Variants in ZFP62 observed in about 807,000 individuals in gnomAD.
ZFP62 encodes ZFP62 zinc finger protein.
Under a neutral mutation model 56.4 loss-of-function variants are expected in ZFP62, and 44 were observed. That is an observed-to-expected ratio of 0.78 (90% CI 0.61 to 1.00). The LOEUF is 1.00. Ranked by LOEUF, ZFP62 falls within the 50% of genes least tolerant of loss-of-function variation. The pLI is 0.00. For synonymous variants in ZFP62, 421 were observed against 388.9 expected, an observed-to-expected ratio of 1.08 and a Z score of -0.97; for missense variants, 1,030 against 1,085.7, an observed-to-expected ratio of 0.95 and a Z score of 0.72.
intron 1 of ZFP62, 26 bp downstream of exon 1, chr5:180,861,193 G>A (rs1197821051): frequency 5.0e-6 from 2 of 398,372 alleles, no homozygotes; most frequent in Non-Finnish European, 4.4e-6. Flanking sequence ...GGGGGCGGGA[G>A]CGCGGGCGGC....
At position 180,848,009 on chromosome 5, in the gene ZFP62, CATA is replaced by C. The variant is rs1773475669; in HGVS notation, c.*780_*782del. On this transcript the variant is annotated 3_prime_UTR_variant, in exon 2 of 2. Coordinates refer to ENST00000502412, the MANE Select transcript of ZFP62 (RefSeq NM_001172638.2). ...TCCACGGTAGAACCTTTTATTGTAGCATAATGTGTGAATACCACTTCCAGGTTA... is the reference window on the plus strand; with the variant it reads ...TCCACGGTAGAACCTTTTATTGTAGCATGTGTGAATACCACTTCCAGGTTA... 2.0e-6 allele frequency: 2 copies of C among 985,444 alleles called. No homozygotes were observed. The highest frequency in any genetic ancestry group is 2.4e-6 in the Non-Finnish European group (2 of 829,932). The allele number at this position is 985,444 out of a possible 1,614,324, so 61.0% of individuals were successfully genotyped here.
the ZFP62 span, among the ~76,000 whole-genome samples, chr5:180,841,248 T>C: frequency 1.7e-5 from 1 of 57,260 alleles, no homozygotes. Flanking sequence ...TATCCATATA[T>C]ATATACACAC....
downstream of ZFP62, among the ~76,000 whole-genome samples, chr5:180,846,173 G>T (rs1297897834): frequency 6.6e-6 from 1 of 152,164 alleles, no homozygotes; most frequent in Non-Finnish European, 1.5e-5. Flanking sequence ...AGCCTGAATG[G>T]CTTGTATCTG....
At chr5:180,842,423 T>C in the ZFP62 span, among the ~76,000 whole-genome samples, 4 of 151,668 alleles carry the variant, frequency 2.6e-5, no homozygotes, top group Admixed American at 2.6e-4. Flanking sequence ...CACACCAAAA[T>C]AAAACACAGT....
intron 1 of ZFP62, among the ~76,000 whole-genome samples, chr5:180,859,669 C>T (rs1774202847): frequency 6.6e-6 from 1 of 152,084 alleles, no homozygotes; most frequent in African/African-American, 2.4e-5. Flanking sequence ...GAATCAAACC[C>T]GGCAGGGACT....
chr5:180,849,360 G>GAGAAAAAAGCTTTTCCACAA lies in ZFP62; in HGVS notation c.2134_2135insTTGTGGAAAAGCTTTTTTCT (p.Ser712PhefsTer13). On this transcript the variant is annotated frameshift_variant, in exon 2 of 2. Transcript: ENST00000502412. LOFTEE classifies it high-confidence loss of function. ...TTTATGGCTTATAAGAGTTCTGCTT[G>GAGAAAAAAGCTTTTCCACAA]AGAAAAAAGCTTTTCCACATTCATC... is the stretch of plus-strand genomic sequence containing the variant. 6.4e-7 allele frequency: 1 copy of GAGAAAAAAGCTTTTCCACAA among 1,551,728 alleles called. No individual in the cohort carries two copies. The highest frequency in any genetic ancestry group is 1.4e-5 in the African/African-American group (1 of 73,068).
At chr5:180,857,495 G>A (rs1391258651) in intron 1 of ZFP62, among the ~76,000 whole-genome samples, 1 of 151,270 alleles carries the variant, frequency 6.6e-6, no homozygotes, top group Non-Finnish European at 1.5e-5. Context: ...TAGAACTTTT[G>A]TTTTTTTTTT....
At chr5:180,852,123 C>T (rs1773743004) in intron 1 of ZFP62, 2 of 655,546 alleles carry the variant, frequency 3.1e-6, no homozygotes, top group Non-Finnish European at 1.9e-6. Flanking sequence ...GGTACATAGA[C>T]AGGCAAATGG....
At chr5:180,845,860 G>C (rs1226611581), downstream of ZFP62, 2 of 985,294 alleles carry the variant, frequency 2.0e-6, no homozygotes, top group Non-Finnish European at 2.4e-6. Flanking sequence ...ACCGTTTCAC[G>C]CCCAGTGTCT....
At position 180,849,597 on chromosome 5, in the gene ZFP62, G is replaced by T. The variant is rs376498871; in HGVS notation, c.1898C>A (p.Ser633Tyr). 6.4e-7 allele frequency: 1 copy of T among 1,551,916 alleles called. No individual in the cohort carries two copies. Among genetic ancestry groups the T allele is most frequent in the Admixed American group, 2.0e-5 (1 of 50,986 alleles). ...TCTAGTGTGGACCCTTCTGTGCTGA[G>T]AAAGGAGCGATGTGTAATTAAAAGA... ...EKSFNYTSLL[S>Y]QHRRVHTREK... is the part of the protein sequence containing the mutation. The change falls in exon 2 of 2, where the codon TCT becomes TAT. Residue 633 changes from serine (S) to tyrosine (Y), a missense_variant. Physicochemically the swap from Ser to Tyr is moderately radical, Grantham distance 144. Transcript: ENST00000502412.
chr5:180,848,186 G>A lies in ZFP62; in HGVS notation c.*606C>T, dbSNP rs373998750. The A allele has an allele frequency of 6.5e-5, 64 of 985,382 alleles. No individual in the cohort carries two copies. In the African/African-American group the frequency reaches 1.0e-3, roughly 16 times the overall value. The allele number at this position is 985,382 out of a possible 1,614,324, so 61.0% of individuals were successfully genotyped here. A position where few individuals can be genotyped will look rare whatever the true frequency, so the allele number is the denominator to read the frequency against. On this transcript the variant is annotated 3_prime_UTR_variant, in exon 2 of 2. Transcript: ENST00000502412. ...CTCCTATCTCCTGTTAGACTTGTAAGTCTATGCTTTCTACTTTTCCTAAAA... is the reference window on the plus strand; with the variant it reads ...CTCCTATCTCCTGTTAGACTTGTAAATCTATGCTTTCTACTTTTCCTAAAA...
At chr5:180,837,553 C>A in the ZFP62 span, among the ~76,000 whole-genome samples, 1 of 152,164 alleles carries the variant, frequency 6.6e-6, no homozygotes, top group Admixed American at 6.5e-5. Context: ...AGCTCCTAAT[C>A]CCTGAGTTAA....
chr5:180,848,788 C>T lies in ZFP62; in HGVS notation c.*4G>A. The T allele has an allele frequency of 6.6e-7, 1 of 1,510,400 alleles. No homozygotes were observed. 93.6% of individuals were successfully genotyped at this position (1,510,400 alleles called of 1,614,324 possible). On this transcript the variant is annotated 3_prime_UTR_variant, in exon 2 of 2. Transcript: ENST00000502412. Reference sequence around the variant, plus strand: ...GTTCGGAGAGACTTGGTAAGCTCTGCCTGCTACAGAGGCATCCTCATCCTG... The same window carrying T: ...GTTCGGAGAGACTTGGTAAGCTCTGTCTGCTACAGAGGCATCCTCATCCTG...
the ZFP62 span, among the ~76,000 whole-genome samples, chr5:180,834,150 GCTGT>G: frequency 1.8e-4 from 28 of 152,286 alleles, no homozygotes; most frequent in African/African-American, 6.0e-4. Flanking sequence ...GGGATTAGTG[GCTGT>G]CTTAGTCCAT....
At chr5:180,847,513 T>A, downstream of ZFP62, 2 of 867,216 alleles carry the variant, frequency 2.3e-6, no homozygotes, top group Non-Finnish European at 2.8e-6. Flanking sequence ...GTGGGATGAG[T>A]CTACTACCCT....
rs1474999761 is a variant in ZFP62 at position 180,848,046 on chromosome 5, C to T, written c.*746G>A. 1 of 985,298 alleles carries T rather than the reference C, an allele frequency of 1.0e-6. No homozygotes were observed. The highest frequency in any genetic ancestry group is 1.2e-6 in the Non-Finnish European group (1 of 829,930). The allele number at this position is 985,298 out of a possible 1,614,324, so 61.0% of individuals were successfully genotyped here. On this transcript the variant is annotated 3_prime_UTR_variant, in exon 2 of 2. Transcript: ENST00000502412. ...ATACCACTTCCAGGTTATCCCTCAT[C>T]ACAAATTCATCATTCATTATGGGAG...
chr5:180,829,042 T>C, the ZFP62 span, among the ~76,000 whole-genome samples: 1 of 152,236 alleles, frequency 6.6e-6, no homozygotes, highest in Non-Finnish European at 1.5e-5. Flanking sequence ...TGGTAAATTT[T>C]TGGTCAGACC....
At chr5:180,843,920 G>C (rs539977295), downstream of ZFP62, among the ~76,000 whole-genome samples, 7 of 152,268 alleles carry the variant, frequency 4.6e-5, no homozygotes, top group South Asian at 1.2e-3. Context: ...ACCATGTTTT[G>C]TAACAACAAT....
intron 1 of ZFP62, among the ~76,000 whole-genome samples, chr5:180,858,369 C>G (rs946626490): frequency 1.3e-5 from 2 of 151,362 alleles, no homozygotes; most frequent in African/African-American, 4.9e-5. Context: ...CATTGGGAGG[C>G]TGAGGCAGAC....
Sources: allele counts gnomAD v4.1 joint callset (sites outside exome capture counted in the v4.1 genomes callset), GRCh38; gene constraint gnomAD v4.1.1; transcripts MANE v1.5; gene names NCBI Gene and HGNC (gene_info 2026-07-23, HGNC 2026-07-21).